The following LARS1 variants were observed in gnomAD, a reference collection of about 807,000 sequenced individuals.
LARS1 encodes leucyl-tRNA synthetase 1.
LARS1 carries 100 observed loss-of-function variants against 162.8 expected under a neutral mutation model. That is an observed-to-expected ratio of 0.61 (90% CI 0.52 to 0.73). The LOEUF is 0.73. Among genes scored for constraint, LARS1 ranks in the 30% least tolerant of loss-of-function variants. The probability of loss-of-function intolerance (pLI) is 0.00; values close to 1 mark genes in which losing one functional copy is unlikely to be tolerated. For synonymous variants in LARS1, 457 were observed against 462.8 expected (o/e 0.99, Z 0.16); for missense variants, 1,258 against 1,408.9 (o/e 0.89, Z 1.71).
intron 21 of LARS1, among the ~76,000 whole-genome samples, chr5:146,139,367 GA>G (rs80044673): frequency 0.61 from 88,924 of 145,466 alleles, 27,483 homozygotes; most frequent in Middle Eastern, 0.79. Context: ...AAAAGAAAAA[GA>G]AAAAAAAAGG....
intron 14 of LARS1, among the ~76,000 whole-genome samples, chr5:146,151,114 A>C (rs1044829739): frequency 1.1e-4 from 17 of 152,208 alleles, no homozygotes; most frequent in African/African-American, 4.1e-4. Flanking sequence ...ATTGGAGATA[A>C]GAGTGCCTAC....
Position 146,143,091 on chromosome 5 carries a change from TA to T in LARS1, c.1878-8del. On this transcript the variant is annotated splice_polypyrimidine_tract_variant and splice_region_variant and intron_variant, in intron 19 of 31. Transcript: ENST00000394434. ...CTTGGTCATCTGTTGCGGTCTGTAT[TA>T]AAAATAAAACAAACTATTTTATATA... is the stretch of plus-strand genomic sequence containing the variant. 1 of 1,555,792 alleles carries T rather than the reference TA, an allele frequency of 6.4e-7. No homozygotes were observed. Among genetic ancestry groups the T allele is most frequent in the Non-Finnish European group, 8.7e-7 (1 of 1,143,644 alleles).
intron 31 of LARS1, among the ~76,000 whole-genome samples, chr5:146,116,120 C>T (rs1349762948): frequency 1.3e-5 from 2 of 152,180 alleles, no homozygotes; most frequent in Non-Finnish European, 2.9e-5. Context: ...AGGGACCATA[C>T]AATCTATTCC....
chr5:146,169,124 A>T (rs994661099), intron 4 of LARS1, among the ~76,000 whole-genome samples: 1 of 152,102 alleles, frequency 6.6e-6, no homozygotes, highest in East Asian at 1.9e-4. Flanking sequence ...AGAAAGAAAG[A>T]AAGATAGATT....
intron 11 of LARS1, 31 bp from the exon 12 acceptor site, chr5:146,153,841 A>G (rs1753404641): frequency 1.2e-6 from 2 of 1,610,966 alleles, no homozygotes; most frequent in Non-Finnish European, 1.7e-6. Flanking sequence ...ATTAATAACT[A>G]GAACCAAAAT....
intron 13 of LARS1, among the ~76,000 whole-genome samples, chr5:146,152,341 C>A (rs957153772): frequency 2.0e-5 from 3 of 152,144 alleles, no homozygotes; most frequent in Admixed American, 2.0e-4. Flanking sequence ...GGGTTCCCAA[C>A]CCCAAGGATG....
At chr5:146,153,599 A>T (rs1753389941) in intron 12 of LARS1, 135 bp downstream of exon 12, 2 of 673,046 alleles carry the variant, frequency 3.0e-6, no homozygotes, top group African/African-American at 3.6e-5. Context: ...ATATATTAAC[A>T]TCAAGAAACA....
chr5:146,166,524 T>C (rs150521062), intron 5 of LARS1, among the ~76,000 whole-genome samples: 15 of 151,882 alleles, frequency 9.9e-5, no homozygotes, highest in African/African-American at 3.6e-4. Flanking sequence ...AGCAACATAG[T>C]GAGACTCCAT....
intron 2 of LARS1, among the ~76,000 whole-genome samples, chr5:146,177,288 A>G (rs1754629338): frequency 6.6e-6 from 1 of 151,554 alleles, no homozygotes; most frequent in Admixed American, 6.6e-5. Context: ...AACACAGTGA[A>G]ACATCATCTC....
At chr5:146,135,967 A>T (rs1752483490) in intron 21 of LARS1, among the ~76,000 whole-genome samples, 2 of 152,184 alleles carry the variant, frequency 1.3e-5, no homozygotes, top group Non-Finnish European at 2.9e-5. Flanking sequence ...ATTCCACTAT[A>T]ACTCTAGAAC....
chr5:146,130,999 C>A lies in LARS1; in HGVS notation c.2487+20G>T. The A allele has an allele frequency of 7.1e-7, 1 of 1,406,378 alleles. No homozygotes were observed. Among genetic ancestry groups the A allele is most frequent in the Non-Finnish European group, 9.9e-7 (1 of 1,011,898 alleles). The allele number at this position is 1,406,378 out of a possible 1,614,324, so 87.1% of individuals were successfully genotyped here. A position where few individuals can be genotyped will look rare whatever the true frequency, so the allele number is the denominator to read the frequency against. Reference sequence around the variant, plus strand: ...TCACATTGACATGTTTTATAGCTACCAAAAGAATCAACAGCCTACCTGAAA... The same window carrying A: ...TCACATTGACATGTTTTATAGCTACAAAAAGAATCAACAGCCTACCTGAAA... On this transcript the variant is annotated intron_variant, in intron 24 of 31. Coordinates refer to ENST00000394434, the MANE Select transcript of LARS1 (RefSeq NM_020117.11).
chr5:146,146,391 T>A, intron 15 of LARS1, among the ~76,000 whole-genome samples: 2 of 144,596 alleles, frequency 1.4e-5, no homozygotes. Context: ...AAGGTGAGAC[T>A]GAAAAGAAGA....
chr5:146,136,479 CCT>C (rs1752503930), intron 21 of LARS1, among the ~76,000 whole-genome samples: 1 of 145,506 alleles, frequency 6.9e-6, no homozygotes, highest in Non-Finnish European at 1.5e-5. Flanking sequence ...ATACAGATTA[CCT>C]ATTTTTTTTT....
At chr5:146,114,700 C>T (rs1397422360) in intron 31 of LARS1, among the ~76,000 whole-genome samples, 1 of 152,134 alleles carries the variant, frequency 6.6e-6, no homozygotes, top group South Asian at 2.1e-4. Context: ...CGCACCATTG[C>T]ATGCCAGCCT....
chr5:146,157,425 A>G lies in LARS1; in HGVS notation c.1043T>C (p.Val348Ala), dbSNP rs748504495. Residue 348 changes from valine to alanine, a missense_variant, in exon 10 of 32, where the codon GTT becomes GCT. By Grantham distance (64) the Val-to-Ala change is moderately conservative. Transcript: ENST00000394434. ...TACCTCCCCCATTAATTCCTTAACAACAGGCACCACGCCATTGTCTTTGGT... is the reference window on the plus strand; with the variant it reads ...TACCTCCCCCATTAATTCCTTAACAGCAGGCACCACGCCATTGTCTTTGGT... Reference protein sequence around the residue: ...GFTKDNGVVPVVKELMGEEIL... With the variant: ...GFTKDNGVVPAVKELMGEEIL... 3 of 1,614,190 alleles carry G rather than the reference A, an allele frequency of 1.9e-6. No individual in the cohort carries two copies. Among genetic ancestry groups the G allele is most frequent in the Non-Finnish European group, 2.5e-6 (3 of 1,180,022 alleles).
chr5:146,123,941 A>C (rs1287041386), intron 29 of LARS1, 41 bp downstream of exon 29: 4 of 1,010,716 alleles, frequency 4.0e-6, no homozygotes, highest in Non-Finnish European at 3.0e-6. Context: ...ATTATGGTTT[A>C]ACTACAGTTA....
chr5:146,143,076 T>A lies in LARS1; in HGVS notation c.1886A>T (p.Gln629Leu). The A allele has an allele frequency of 6.2e-7, 1 of 1,606,240 alleles. No individual in the cohort carries two copies. Among genetic ancestry groups the A allele is most frequent in the Non-Finnish European group, 8.5e-7 (1 of 1,175,114 alleles). ...ATAATCCCAAACTTCCTTGGTCATCTGTTGCGGTCTGTATTAAAAATAAAA... is the reference window on the plus strand; with the variant it reads ...ATAATCCCAAACTTCCTTGGTCATCAGTTGCGGTCTGTATTAAAAATAAAA... ...AESPLGIRPQ[Q>L]MTKEVWDYVF... Residue 629 changes from glutamine (Q) to leucine (L), a missense_variant, in exon 20 of 32, where the codon CAG (glutamine) becomes CTG (leucine). By Grantham distance (113) the Gln-to-Leu change is moderately radical. Transcript: ENST00000394434.
intron 1 of LARS1, among the ~76,000 whole-genome samples, chr5:146,179,204 C>T (rs946980357): frequency 3.3e-5 from 5 of 152,186 alleles, no homozygotes; most frequent in African/African-American, 1.2e-4. Flanking sequence ...TGCACTCCAG[C>T]CTAGGCAACA....
At position 146,171,872 on chromosome 5, in the gene LARS1, C is replaced by G. The variant is rs3812244; in HGVS notation, c.294+38G>C. ...AATTGGGTATTACTATTTGCTCCAA[C>G]TAAAAAGAGTAGAAACCAATCCTAT... On this transcript the variant is annotated intron_variant, in intron 4 of 31. Transcript: ENST00000394434. 7.5e-4 allele frequency: 1,123 copies of G among 1,503,258 alleles called. 11 individuals are homozygous for G. The East Asian group carries it at 0.024, about 32-fold the overall frequency. The allele number at this position is 1,503,258 out of a possible 1,614,324, so 93.1% of individuals were successfully genotyped here.
Sources: allele counts gnomAD v4.1 joint callset (sites outside exome capture counted in the v4.1 genomes callset), GRCh38; gene constraint gnomAD v4.1.1; transcripts MANE v1.5; gene names NCBI Gene and HGNC (gene_info 2026-07-23, HGNC 2026-07-21).